Variants in CHODL observed in about 807,000 individuals in gnomAD.
The protein encoded by CHODL is chondrolectin, also known as transmembrane protein MT75.
A neutral mutation model predicts 34.5 loss-of-function variants in CHODL; 29 were observed. The ratio of observed to expected loss-of-function variants is 0.84; its 90% CI spans 0.63 to 1.15. The LOEUF (loss-of-function observed/expected upper bound fraction) is 1.15, where lower values mean the gene tolerates loss of function less well. CHODL is among the 50% of genes most tolerant of loss of function. The probability of loss-of-function intolerance (pLI) is 0.00; values close to 1 mark genes in which losing one functional copy is unlikely to be tolerated. For missense variants in CHODL, 332 were observed against 332.5 expected (o/e 1.00, Z 0.01); for synonymous variants, 125 against 116.1 (o/e 1.08, Z -0.49).
chr21:17,952,493 C>T (rs2063466670), intron 1 of CHODL, among the ~76,000 whole-genome samples: 1 of 151,812 alleles, frequency 6.6e-6, no homozygotes, highest in Non-Finnish European at 1.5e-5. Flanking sequence ...AAAAAAAATC[C>T]TTAAAAATGA....
chr21:17,992,843 G>A (rs1196356776), intron 1 of CHODL, among the ~76,000 whole-genome samples: 3 of 149,838 alleles, frequency 2.0e-5, no homozygotes, highest in African/African-American at 4.9e-5. Context: ...TAGTAGAGAC[G>A]GGGTTTCTCC....
At chr21:17,962,135 G>T (rs1405769813) in intron 1 of CHODL, among the ~76,000 whole-genome samples, 1 of 152,180 alleles carries the variant, frequency 6.6e-6, no homozygotes, top group African/African-American at 2.4e-5. Context: ...ATTTTCAGGG[G>T]TGTGGGAAAG....
intron 2 of CHODL, among the ~76,000 whole-genome samples, chr21:18,175,702 A>G (rs1352080761): frequency 6.6e-6 from 1 of 152,002 alleles, no homozygotes; most frequent in Non-Finnish European, 1.5e-5. Flanking sequence ...GTAACAAATT[A>G]TATGGAACAA....
At chr21:18,193,712 A>AAAATAAAATAAAT (rs1555881310) in intron 2 of CHODL, among the ~76,000 whole-genome samples, 1 of 139,308 alleles carries the variant, frequency 7.2e-6, no homozygotes, top group African/African-American at 2.8e-5. Flanking sequence ...AAAAAAAAAT[A>AAAATAAAATAAAT]AAATAAATAA....
chr21:17,950,302 G>A (rs895843082), intron 1 of CHODL, among the ~76,000 whole-genome samples: 4 of 151,138 alleles, frequency 2.6e-5, no homozygotes, highest in Non-Finnish European at 4.4e-5. Context: ...ACTCAAAAAA[G>A]GTATATAATA....
chr21:18,094,794 A>C (rs2065118815), intron 2 of CHODL, among the ~76,000 whole-genome samples: 1 of 151,464 alleles, frequency 6.6e-6, no homozygotes, highest in Non-Finnish European at 1.5e-5. Flanking sequence ...AATAAACTGG[A>C]AAAACAAGAG....
chr21:17,987,994 T>C (rs1009852099), intron 1 of CHODL, among the ~76,000 whole-genome samples: 2 of 152,170 alleles, frequency 1.3e-5, no homozygotes, highest in Admixed American at 6.6e-5. Context: ...GATTTTTTGA[T>C]GTGAGTACAA....
At chr21:18,017,860 C>G (rs2064090219) in intron 1 of CHODL, among the ~76,000 whole-genome samples, 1 of 152,224 alleles carries the variant, frequency 6.6e-6, no homozygotes, top group South Asian at 2.1e-4. Context: ...ATGGGAGAAG[C>G]TGTGGAGCCT....
chr21:18,174,155 A>ATCTTGGTG lies in CHODL; in HGVS notation c.-44-82353_-44-82352insCTTGGTGT, dbSNP rs1439330215. Among the ~76,000 whole-genome samples, 24 of 110,468 alleles carry ATCTTGGTG rather than the reference A, an allele frequency of 2.2e-4. 1 individual carries two copies. Among genetic ancestry groups the ATCTTGGTG allele is most frequent in the African/African-American group, 6.3e-4 (20 of 31,768 alleles). 72.5% of individuals were successfully genotyped at this position (110,468 alleles called of 152,430 possible). A position where few individuals can be genotyped will look rare whatever the true frequency, so the allele number is the denominator to read the frequency against. On this transcript the variant is annotated intron_variant, in intron 2 of 6. Coordinates refer to the CHODL transcript ENST00000400127. ...TATATATATATATATATATATATATATATATAAAATCAAGTCTCTCAGAGT... is the reference window on the plus strand; with the variant it reads ...TATATATATATATATATATATATATATCTTGGTGTATATAAAATCAAGTCTCTCAGAGT...
At chr21:18,155,897 T>C (rs1457958265) in intron 2 of CHODL, among the ~76,000 whole-genome samples, 1 of 152,180 alleles carries the variant, frequency 6.6e-6, no homozygotes, top group Non-Finnish European at 1.5e-5. Flanking sequence ...TAAATAGCTT[T>C]AAAGTCTCAG....
rs1457269401 is a variant in CHODL at position 18,265,988 on chromosome 21, A to T, written c.772A>T (p.Thr258Ser). The change falls in exon 6 of 6, where the codon ACA becomes TCA. Residue 258 changes from threonine (T) to serine (S), a missense_variant. Transcript: ENST00000299295. Reference protein sequence around the residue: ...GRTKTSPNQSTLWISKSTRKE... With the variant: ...GRTKTSPNQSSLWISKSTRKE... ...AACAAAAACTAGTCCAAACCAGTCT[A>T]CACTGTGGATTTCAAAGAGTACCAG... 1.2e-6 allele frequency: 2 copies of T among 1,613,478 alleles called. No individual in the cohort carries two copies. Among genetic ancestry groups the T allele is most frequent in the African/African-American group, 2.7e-5 (2 of 74,894 alleles).
chr21:18,083,354 A>G (rs1446344563), intron 2 of CHODL, among the ~76,000 whole-genome samples: 3 of 152,254 alleles, frequency 2.0e-5, no homozygotes, highest in African/African-American at 7.2e-5. Flanking sequence ...TAGAACCTTC[A>G]TGGAGAGCCT....
In CHODL at chr21:17,970,835, A is replaced by T. The variant is rs1461172784; in HGVS notation, c.-145+53435A>T. ...CATGCCATGGTGGTTTGCTACATCCATCAACCGGTCATCTACATTAGGTTT... is the reference window on the plus strand; with the variant it reads ...CATGCCATGGTGGTTTGCTACATCCTTCAACCGGTCATCTACATTAGGTTT... On this transcript the variant is annotated intron_variant, in intron 1 of 6. Transcript: ENST00000400127. Among the ~76,000 whole-genome samples the T allele has an allele frequency of 2.0e-5, 3 of 152,252 alleles. No homozygotes were observed. The East Asian group carries it at 5.8e-4, about 29-fold the overall frequency.
intron 2 of CHODL, among the ~76,000 whole-genome samples, chr21:18,193,317 T>C (rs2146694649): frequency 6.6e-6 from 1 of 152,274 alleles, no homozygotes; most frequent in East Asian, 1.9e-4. Context: ...GTTCTTCCAG[T>C]GTACAAATTT....
At chr21:18,251,732 TTTTATTTATTTTA>T (rs1178071688) in intron 1 of CHODL, among the ~76,000 whole-genome samples, 5 of 103,608 alleles carry the variant, frequency 4.8e-5, no homozygotes, top group South Asian at 2.9e-4. Context: ...TAAATATTTA[TTTTATTTATTTTA>T]TTTATTTATT....
At chr21:17,932,771 T>C (rs932764645) in intron 1 of CHODL, among the ~76,000 whole-genome samples, 4 of 152,242 alleles carry the variant, frequency 2.6e-5, no homozygotes, top group African/African-American at 9.6e-5. Context: ...TTAGGTGGAA[T>C]GAGAGACTTG....
At chr21:17,925,478 C>T (rs1401120896) in intron 1 of CHODL, among the ~76,000 whole-genome samples, 1 of 152,164 alleles carries the variant, frequency 6.6e-6, no homozygotes, top group Non-Finnish European at 1.5e-5. Context: ...TTAAATAACT[C>T]ATTGATTTCT....
rs1334870873 is a variant in CHODL at position 18,028,268 on chromosome 21, T to C, written c.-45+297T>C. 1.5e-4 allele frequency among the ~76,000 whole-genome samples: 12 copies of C among 80,644 alleles called. 1 individual carries two copies. The highest frequency in any genetic ancestry group is 5.7e-4 in the African/African-American group (11 of 19,182). The allele number at this position is 80,644 out of a possible 152,430, so 52.9% of individuals were successfully genotyped here. On this transcript the variant is annotated intron_variant, in intron 2 of 6. Coordinates refer to the CHODL transcript ENST00000400127. ...TCCCCTTTTCCTTTTCTTTTTCTTT[T>C]TCCTTTTCCCCTTCCTTCCTTCCTT...
At chr21:18,132,278 A>T (rs2072665982) in intron 2 of CHODL, among the ~76,000 whole-genome samples, 1 of 152,296 alleles carries the variant, frequency 6.6e-6, no homozygotes, top group East Asian at 1.9e-4. Context: ...GTTTCTAAAA[A>T]GCTATTGTCA....
Sources: gnomAD v4.1 joint callset for allele counts (sites outside exome capture counted in the v4.1 genomes callset) on GRCh38, gnomAD v4.1.1 for gene constraint, MANE v1.5 for transcripts, NCBI Gene and HGNC (gene_info 2026-07-23, HGNC 2026-07-21) for gene names.